The following PLXDC2 variants were observed in gnomAD, a reference collection of about 807,000 sequenced individuals.
The protein encoded by PLXDC2 is plexin domain containing 2.
A neutral mutation model predicts 68.9 loss-of-function variants in PLXDC2; 40 were observed. The ratio of observed to expected loss-of-function variants is 0.58; its 90% CI spans 0.45 to 0.76. PLXDC2 has a LOEUF of 0.76. PLXDC2 is among the 30% of genes least tolerant of loss of function. PLXDC2 has a pLI of 0.00. For synonymous variants in PLXDC2, 243 were observed against 234.2 expected, an observed-to-expected ratio of 1.04 and a Z score of -0.34; for missense variants, 644 against 661.9, an observed-to-expected ratio of 0.97 and a Z score of 0.30.
intron 6 of PLXDC2, among the ~76,000 whole-genome samples, chr10:20,161,532 G>C (rs767187822): frequency 6.6e-6 from 1 of 151,132 alleles, no homozygotes; most frequent in Non-Finnish European, 1.5e-5. Flanking sequence ...GGGAGAGGAC[G>C]ACAGAGGGTC....
chr10:20,002,123 G>A (rs945167322), intron 2 of PLXDC2, 137 bp downstream of exon 2: 29 of 852,894 alleles, frequency 3.4e-5, no homozygotes, highest in Admixed American at 1.1e-4. Flanking sequence ...AATTTAATTC[G>A]TTAATAAATA....
intron 4 of PLXDC2, among the ~76,000 whole-genome samples, chr10:20,099,215 C>A (rs74688375): frequency 0.04 from 6,115 of 152,148 alleles, 163 homozygotes; most frequent in South Asian, 0.067. Flanking sequence ...TACTGAAGAG[C>A]ATGAAGGAAA....
intron 1 of PLXDC2, among the ~76,000 whole-genome samples, chr10:19,845,127 G>C (rs1462719580): frequency 6.6e-6 from 1 of 152,140 alleles, no homozygotes; most frequent in South Asian, 2.1e-4. Flanking sequence ...CTGTGGGGCA[G>C]GTCACTTCCC....
chr10:20,020,178 ATTT>A (rs71388889), intron 2 of PLXDC2, among the ~76,000 whole-genome samples: 18,356 of 106,930 alleles, frequency 0.17, 1,429 homozygotes, highest in Non-Finnish European at 0.22. Flanking sequence ...CACCCAGCAA[ATTT>A]TTTTTTTTTT....
intron 3 of PLXDC2, among the ~76,000 whole-genome samples, chr10:20,063,620 G>T (rs1589611300): frequency 6.6e-6 from 1 of 152,174 alleles, no homozygotes; most frequent in East Asian, 1.9e-4. Flanking sequence ...TTAATAATTA[G>T]TGTGAAAATG....
rs190180040 is a variant in PLXDC2, at chr10:20,072,449, G to A, written c.541+4210G>A. Among the ~76,000 whole-genome samples, 28 of 129,466 alleles carry A rather than the reference G, an allele frequency of 2.2e-4. 1 individual carries two copies. The highest frequency in any genetic ancestry group is 2.2e-3 in the Admixed American group (26 of 12,028). The allele number at this position is 129,466 out of a possible 152,430, so 84.9% of individuals were successfully genotyped here. On this transcript the variant is annotated intron_variant, in intron 4 of 13. Coordinates refer to ENST00000377252, the MANE Select transcript of PLXDC2 (RefSeq NM_032812.9). ...GAGAAAGAAAGAAGAAAGAAGGAAA[G>A]AAAGAAAAAGAAGAAAGAAAGAAAG... is the stretch of plus-strand genomic sequence containing the variant.
chr10:20,236,306 A>T (rs1250238497), intron 12 of PLXDC2, among the ~76,000 whole-genome samples: 1 of 151,940 alleles, frequency 6.6e-6, no homozygotes, highest in African/African-American at 2.4e-5. Context: ...TTAGCCAGGA[A>T]TGGTGGTGTG....
intron 1 of PLXDC2, among the ~76,000 whole-genome samples, chr10:19,956,043 C>T (rs1489756218): frequency 6.6e-6 from 1 of 152,248 alleles, no homozygotes; most frequent in East Asian, 1.9e-4. Context: ...TGCGGCATTG[C>T]ACTCCAGCTT....
At chr10:20,104,849 G>A (rs1266243274) in intron 4 of PLXDC2, among the ~76,000 whole-genome samples, 2 of 151,928 alleles carry the variant, frequency 1.3e-5, no homozygotes, top group Non-Finnish European at 2.9e-5. Flanking sequence ...TCAGGAGATC[G>A]AGACCATCCT....
intron 4 of PLXDC2, among the ~76,000 whole-genome samples, chr10:20,142,467 G>A (rs1017929318): frequency 9.9e-5 from 15 of 152,018 alleles, no homozygotes; most frequent in Admixed American, 2.6e-4. Context: ...AGCCAGCACA[G>A]GATTAACAAT....
At chr10:20,140,242 T>C (rs1833984509) in intron 4 of PLXDC2, among the ~76,000 whole-genome samples, 1 of 151,982 alleles carries the variant, frequency 6.6e-6, no homozygotes, top group Non-Finnish European at 1.5e-5. Flanking sequence ...GATCTTGCAG[T>C]GAGCAGAGAT....
chr10:19,946,890 G>A (rs1272905759), intron 1 of PLXDC2, among the ~76,000 whole-genome samples: 2 of 152,058 alleles, frequency 1.3e-5, no homozygotes, highest in African/African-American at 2.4e-5. Context: ...TACGAGTGAC[G>A]AGGAGTAGCT....
At chr10:20,265,508 A>G (rs1472089880) in intron 13 of PLXDC2, among the ~76,000 whole-genome samples, 1 of 152,180 alleles carries the variant, frequency 6.6e-6, no homozygotes, top group Non-Finnish European at 1.5e-5. Flanking sequence ...ATTAAACAGC[A>G]ATTGGTAATT....
chr10:19,828,677 A>G (rs1404674891), intron 1 of PLXDC2, among the ~76,000 whole-genome samples: 1 of 152,236 alleles, frequency 6.6e-6, no homozygotes, highest in African/African-American at 2.4e-5. Flanking sequence ...AAACAGCTCC[A>G]TGCAGGAAGC....
At chr10:20,031,110 G>A in intron 2 of PLXDC2, among the ~76,000 whole-genome samples, 1 of 152,182 alleles carries the variant, frequency 6.6e-6, no homozygotes, top group East Asian at 1.9e-4. Flanking sequence ...GTTTATGCCT[G>A]TAATCCCAGC....
At chr10:20,012,146 T>C (rs1835125058) in intron 2 of PLXDC2, among the ~76,000 whole-genome samples, 1 of 152,086 alleles carries the variant, frequency 6.6e-6, no homozygotes, top group Admixed American at 6.6e-5. Flanking sequence ...TTTTTTTCTC[T>C]GATTATCTAA....
At chr10:20,131,739 A>T (rs954744993) in intron 4 of PLXDC2, among the ~76,000 whole-genome samples, 2 of 152,158 alleles carry the variant, frequency 1.3e-5, no homozygotes, top group African/African-American at 4.8e-5. Context: ...TAGTTTAACT[A>T]AAAGTTACTC....
chr10:20,033,089 G>A (rs967373765), intron 2 of PLXDC2, among the ~76,000 whole-genome samples: 1 of 151,416 alleles, frequency 6.6e-6, no homozygotes, highest in Non-Finnish European at 1.5e-5. Flanking sequence ...AGTAAATGAT[G>A]AGTTAATGGG....
chr10:20,251,652 G>A (rs1381854330), intron 13 of PLXDC2, among the ~76,000 whole-genome samples: 1 of 151,976 alleles, frequency 6.6e-6, no homozygotes, highest in Non-Finnish European at 1.5e-5. Context: ...CTAACTGAAG[G>A]TCAAGAAAAT....
Sources: allele counts gnomAD v4.1 joint callset (sites outside exome capture counted in the v4.1 genomes callset), GRCh38; gene constraint gnomAD v4.1.1; transcripts MANE v1.5; gene names NCBI Gene and HGNC (gene_info 2026-07-23, HGNC 2026-07-21).